Variants in FMN1 observed in about 807,000 individuals in gnomAD.
The protein encoded by FMN1 is formin-1.
Under a neutral mutation model 132.4 loss-of-function variants are expected in FMN1, and 110 were observed. The ratio of observed to expected loss-of-function variants is 0.83; its 90% CI spans 0.71 to 0.97. The LOEUF (loss-of-function observed/expected upper bound fraction) is 0.97, where lower values mean the gene tolerates loss of function less well. Among genes scored for constraint, FMN1 ranks in the 50% least tolerant of loss-of-function variants. FMN1 has a pLI of 0.00. For synonymous variants in FMN1, 722 were observed against 651.7 expected (o/e 1.11, Z -1.64); for missense variants, 1,792 against 1,705.3 (o/e 1.05, Z -0.90).
chr15:32,988,049 GTTTTTTTT>G (rs10573409), intron 7 of FMN1, among the ~76,000 whole-genome samples: 3 of 118,166 alleles, frequency 2.5e-5, no homozygotes, highest in Non-Finnish European at 5.1e-5. Flanking sequence ...TGTCTCTCCA[GTTTTTTTT>G]TTTTTTTTTT....
chr15:32,853,204 T>C (rs1240396677), intron 17 of FMN1, among the ~76,000 whole-genome samples: 2 of 152,322 alleles, frequency 1.3e-5, no homozygotes, highest in East Asian at 3.9e-4. Flanking sequence ...TATTATTTTG[T>C]TTTTTCAACT....
chr15:32,951,749 C>G (rs1216210375), intron 9 of FMN1, among the ~76,000 whole-genome samples: 1 of 152,196 alleles, frequency 6.6e-6, no homozygotes, highest in Admixed American at 6.5e-5. Context: ...ATTACTCTTT[C>G]TTTACAGATG....
intron 5 of FMN1, among the ~76,000 whole-genome samples, chr15:33,070,053 T>C (rs2037933957): frequency 7.9e-6 from 1 of 126,048 alleles, no homozygotes; most frequent in Non-Finnish European, 1.6e-5. Context: ...TTGCCCAGGC[T>C]GGAGTGGAAT....
chr15:32,804,621 G>A (rs566795906), intron 17 of FMN1, among the ~76,000 whole-genome samples: 176 of 151,326 alleles, frequency 1.2e-3, no homozygotes, highest in Non-Finnish European at 2.2e-3. Context: ...CCATCGACTC[G>A]TCATTTACAT....
intron 10 of FMN1, among the ~76,000 whole-genome samples, chr15:32,915,300 TG>T (rs574264056): frequency 5.8e-4 from 89 of 152,370 alleles, no homozygotes; most frequent in African/African-American, 2.1e-3. Flanking sequence ...CTCAAAATAC[TG>T]GAACAACGTA....
At chr15:32,799,035 G>C (rs1459311746) in intron 18 of FMN1, 82 bp from the exon 19 acceptor site, 1 of 1,199,000 alleles carries the variant, frequency 8.3e-7, no homozygotes, top group African/African-American at 1.5e-5. Flanking sequence ...GGGGATGCTG[G>C]GGGCAGTTTC....
intron 16 of FMN1, among the ~76,000 whole-genome samples, chr15:32,886,214 A>C (rs915885940): frequency 6.6e-6 from 1 of 152,152 alleles, no homozygotes; most frequent in African/African-American, 2.4e-5. Context: ...TGGCATCTCT[A>C]AAGATTAGCA....
chr15:33,025,111 TAGAAG>T (rs1160145902), intron 6 of FMN1, among the ~76,000 whole-genome samples: 6 of 152,170 alleles, frequency 3.9e-5, no homozygotes, highest in African/African-American at 1.4e-4. Context: ...GTAGGGCATA[TAGAAG>T]GCTTCAAATA....
intron 4 of FMN1, among the ~76,000 whole-genome samples, chr15:33,122,203 TGACC>T (rs1962628987): frequency 6.6e-6 from 1 of 152,266 alleles, no homozygotes; most frequent in African/African-American, 2.4e-5. Context: ...TTGAAAACTC[TGACC>T]TATAGTCACC....
intron 4 of FMN1, among the ~76,000 whole-genome samples, chr15:33,148,916 A>T (rs1452477169): frequency 6.6e-6 from 1 of 150,868 alleles, no homozygotes; most frequent in Non-Finnish European, 1.5e-5. Context: ...GCCTCAAAGG[A>T]CATGGGGAAA....
chr15:32,795,633 GCTCT>G (rs771051094), intron 19 of FMN1, among the ~76,000 whole-genome samples: 11 of 151,898 alleles, frequency 7.2e-5, no homozygotes, highest in East Asian at 1.9e-4. Context: ...CCTGTTTTCA[GCTCT>G]CTGTCTCCAG....
chr15:33,122,257 T>C (rs1353969257), intron 4 of FMN1, among the ~76,000 whole-genome samples: 1 of 152,268 alleles, frequency 6.6e-6, no homozygotes, highest in African/African-American at 2.4e-5. Context: ...ATTCTTGTCA[T>C]ATTCCAATTT....
At chr15:32,902,148 A>G in intron 12 of FMN1, 108 bp from the exon 13 acceptor site, 1 of 929,080 alleles carries the variant, frequency 1.1e-6, no homozygotes, top group South Asian at 1.8e-5. Context: ...AACAATCTCA[A>G]CAATTATAAA....
intron 16 of FMN1, among the ~76,000 whole-genome samples, chr15:32,877,533 T>TA (rs1364595193): frequency 6.6e-6 from 1 of 152,112 alleles, no homozygotes; most frequent in African/African-American, 2.4e-5. Context: ...CAAGGAGAAT[T>TA]ATAGAATGCA....
chr15:32,877,863 C>T (rs1042981282), intron 16 of FMN1, among the ~76,000 whole-genome samples: 1 of 148,274 alleles, frequency 6.7e-6, no homozygotes, highest in Non-Finnish European at 1.5e-5. Context: ...TTCCATTGTT[C>T]ATTTGCTCAT....
intron 9 of FMN1, among the ~76,000 whole-genome samples, chr15:32,963,483 C>G (rs1037832002): frequency 1.3e-5 from 2 of 150,654 alleles, no homozygotes; most frequent in Non-Finnish European, 3.0e-5. Flanking sequence ...TACCCTAAAA[C>G]TTAAAGTATA....
chr15:33,068,066 T>C, intron 5 of FMN1: 19 of 1,409,736 alleles, frequency 1.3e-5, no homozygotes, highest in Non-Finnish European at 1.8e-5. Context: ...CCTTCCGGTT[T>C]GTGCGATGAT....
At chr15:33,071,651 G>T (rs1252328533) in intron 5 of FMN1, among the ~76,000 whole-genome samples, 1 of 152,166 alleles carries the variant, frequency 6.6e-6, no homozygotes, top group African/African-American at 2.4e-5. Context: ...AGCCAGCAGT[G>T]ACCATTTAAA....
chr15:33,007,563 C>T (rs2034484289), intron 7 of FMN1, among the ~76,000 whole-genome samples: 1 of 152,126 alleles, frequency 6.6e-6, no homozygotes, highest in Non-Finnish European at 1.5e-5. Context: ...AACTCCTCCT[C>T]CTCCACCTCC....
Sources: gnomAD v4.1 joint callset for allele counts (sites outside exome capture counted in the v4.1 genomes callset) on GRCh38, gnomAD v4.1.1 for gene constraint, MANE v1.5 for transcripts, NCBI Gene and HGNC (gene_info 2026-07-23, HGNC 2026-07-21) for gene names.